Variants in DCDC2C observed in about 807,000 individuals in gnomAD.
DCDC2C encodes doublecortin domain containing 2C, also known as doublecortin domain-containing protein 2C.
In DCDC2C, 44 loss-of-function variants were observed where a neutral mutation model predicts 45.0. The observed-to-expected ratio is 0.98, with a 90% CI of 0.77 to 1.26. DCDC2C has a LOEUF of 1.26. Among genes scored for constraint, DCDC2C ranks in the 50% most tolerant of loss-of-function variants. The pLI is 0.00. For missense variants in DCDC2C, 447 were observed against 468.9 expected, an observed-to-expected ratio of 0.95 and a Z score of 0.43; for synonymous variants, 187 against 178.8, an observed-to-expected ratio of 1.05 and a Z score of -0.37.
At chr2:3,757,595 C>T (rs779395022) in intron 6 of DCDC2C, among the ~76,000 whole-genome samples, 9 of 152,166 alleles carry the variant, frequency 5.9e-5, no homozygotes, top group Non-Finnish European at 1.2e-4. Flanking sequence ...TTCATCTGGT[C>T]GTCCATGAGG....
intron 9 of DCDC2C, among the ~76,000 whole-genome samples, chr2:3,782,956 A>T (rs570232853): frequency 6.6e-6 from 1 of 152,326 alleles, no homozygotes; most frequent in South Asian, 2.1e-4. Flanking sequence ...AATGCCAAAA[A>T]ATGTATCCAC....
intron 1 of DCDC2C, among the ~76,000 whole-genome samples, chr2:3,706,748 C>T (rs896674498): frequency 1.3e-5 from 2 of 152,304 alleles, no homozygotes; most frequent in South Asian, 2.1e-4. Context: ...GGGAACTAGC[C>T]GCAGATGACA....
chr2:3,824,625 C>T (rs1671772668), intron 10 of DCDC2C, among the ~76,000 whole-genome samples: 1 of 152,134 alleles, frequency 6.6e-6, no homozygotes, highest in African/African-American at 2.4e-5. Context: ...TTACTTTCTG[C>T]TTAGGGTTGG....
At chr2:3,721,632 C>T (rs867176367) in intron 2 of DCDC2C, among the ~76,000 whole-genome samples, 1 of 152,156 alleles carries the variant, frequency 6.6e-6, no homozygotes, top group Non-Finnish European at 1.5e-5. Context: ...TATCTTGTAA[C>T]TTCTACGGTT....
chr2:3,752,702 C>T, intron 4 of DCDC2C, 61 bp from the exon 5 acceptor site: 1 of 1,533,402 alleles, frequency 6.5e-7, no homozygotes, highest in Non-Finnish European at 8.8e-7. Context: ...GCACAAATAC[C>T]CCAAGCCCTA....
intron 10 of DCDC2C, among the ~76,000 whole-genome samples, chr2:3,833,959 G>A (rs901556456): frequency 6.6e-6 from 1 of 152,162 alleles, no homozygotes; most frequent in Admixed American, 6.5e-5. Flanking sequence ...TTTGAGTACA[G>A]AATGTTTGAA....
At chr2:3,815,674 G>A (rs935103649) in intron 10 of DCDC2C, among the ~76,000 whole-genome samples, 10 of 152,176 alleles carry the variant, frequency 6.6e-5, no homozygotes, top group South Asian at 2.1e-4. Flanking sequence ...GGATGGGGCC[G>A]TTTTATAGGA....
intron 10 of DCDC2C, among the ~76,000 whole-genome samples, chr2:3,804,767 C>G (rs1009376189): frequency 6.6e-6 from 1 of 152,134 alleles, no homozygotes; most frequent in South Asian, 2.1e-4. Context: ...GTGCTGCACT[C>G]GTAACAAAGG....
intron 3 of DCDC2C, among the ~76,000 whole-genome samples, chr2:3,727,744 C>T (rs1287192568): frequency 6.6e-6 from 1 of 152,224 alleles, no homozygotes; most frequent in Non-Finnish European, 1.5e-5. Context: ...CGTTGGTTTA[C>T]ATCCCGGCTT....
chr2:3,738,932 G>A (rs1378350943), intron 3 of DCDC2C, among the ~76,000 whole-genome samples: 3 of 152,162 alleles, frequency 2.0e-5, no homozygotes, highest in Non-Finnish European at 4.4e-5. Flanking sequence ...TCAGCTACCT[G>A]GAAGATGGAT....
chr2:3,707,802 T>C (rs145309397), intron 1 of DCDC2C, among the ~76,000 whole-genome samples: 163 of 152,340 alleles, frequency 1.1e-3, no homozygotes, highest in Middle Eastern at 3.4e-3. Flanking sequence ...TGACTCTTTA[T>C]TGAACACTTA....
chr2:3,775,142 AGCTGTG>A lies in DCDC2C; in HGVS notation c.955-3667_955-3662del, dbSNP rs1281728202. ...AGGCAGCTGTGGCTGTGAGCTAGGC[AGCTGTG>A]GCTGTGAGCTAGGCAGCTGTGGCTG... On this transcript the variant is annotated intron_variant, in intron 8 of 10. Coordinates refer to ENST00000399143, the MANE Select transcript of DCDC2C (RefSeq NM_001287444.2). 2.9e-4 allele frequency among the ~76,000 whole-genome samples: 36 copies of A among 124,950 alleles called. 1 individual carries two copies. Among genetic ancestry groups the A allele is most frequent in the African/African-American group, 9.0e-4 (30 of 33,492 alleles). The allele number at this position is 124,950 out of a possible 152,430, so 82.0% of individuals were successfully genotyped here. A position where few individuals can be genotyped will look rare whatever the true frequency, so the allele number is the denominator to read the frequency against.
intron 10 of DCDC2C, among the ~76,000 whole-genome samples, chr2:3,807,176 G>A (rs1426625491): frequency 1.3e-5 from 2 of 152,096 alleles, no homozygotes; most frequent in East Asian, 3.9e-4. Flanking sequence ...TGTGGTTAAG[G>A]AGAGCCGGGA....
intron 2 of DCDC2C, among the ~76,000 whole-genome samples, chr2:3,711,251 G>A (rs1668200521): frequency 6.6e-6 from 1 of 152,190 alleles, no homozygotes; most frequent in African/African-American, 2.4e-5. Flanking sequence ...AAAGACACTA[G>A]AGGCAGAAAT....
At chr2:3,716,366 A>G (rs1668350300) in intron 2 of DCDC2C, among the ~76,000 whole-genome samples, 1 of 152,170 alleles carries the variant, frequency 6.6e-6, no homozygotes, top group Non-Finnish European at 1.5e-5. Flanking sequence ...TGCTGACCAG[A>G]CAAGGAAGAT....
intron 6 of DCDC2C, among the ~76,000 whole-genome samples, chr2:3,767,216 C>G (rs972993879): frequency 1.3e-5 from 2 of 152,232 alleles, no homozygotes; most frequent in Non-Finnish European, 2.9e-5. Flanking sequence ...ACTTTGTGTT[C>G]TAGTTGTGCT....
chr2:3,780,365 T>C (rs887924337), intron 9 of DCDC2C, among the ~76,000 whole-genome samples: 12 of 152,220 alleles, frequency 7.9e-5, no homozygotes, highest in African/African-American at 2.9e-4. Flanking sequence ...ACACTGGCGG[T>C]TGAATTTGTC....
rs1175875756 is a variant in DCDC2C, at chr2:3,728,336, C to T, written c.416+1257C>T. Among the ~76,000 whole-genome samples, 6 of 152,314 alleles carry T rather than the reference C, an allele frequency of 3.9e-5. No individual in the cohort carries two copies. In the South Asian group the frequency reaches 1.2e-3, roughly 32 times the overall value. The stretch of plus-strand genomic sequence containing the variant: ...GGCCACCTAAATACACAGATCTTTC[C>T]ACACCACTTTTCATGTACCTAAGAG... On this transcript the variant is annotated intron_variant, in intron 3 of 10. Coordinates refer to ENST00000399143, the MANE Select transcript of DCDC2C (RefSeq NM_001287444.2).
At chr2:3,844,698 A>C (rs1164832610) in intron 10 of DCDC2C, 1 of 152,258 alleles carries the variant, frequency 6.6e-6, no homozygotes, top group Non-Finnish European at 1.5e-5. Context: ...CAAGACTTTA[A>C]GTTTTTAAAC....
Sources: allele counts gnomAD v4.1 joint callset (sites outside exome capture counted in the v4.1 genomes callset), GRCh38; gene constraint gnomAD v4.1.1; transcripts MANE v1.5; gene names NCBI Gene and HGNC (gene_info 2026-07-23, HGNC 2026-07-21).